The following TSHZ2 variants were observed in gnomAD, a reference collection of about 807,000 sequenced individuals.
TSHZ2 encodes the protein teashirt zinc finger homeobox 2.
In TSHZ2, 21 loss-of-function variants were observed where a neutral mutation model predicts 74.4. The observed-to-expected ratio is 0.28, with a 90% confidence interval of 0.20 to 0.41. The LOEUF (loss-of-function observed/expected upper bound fraction) is 0.41. Ranked by LOEUF, TSHZ2 falls within the 10% of genes least tolerant of loss-of-function variation. The probability of loss-of-function intolerance (pLI) is 1.00; values close to 1 mark genes in which losing one functional copy is unlikely to be tolerated. For missense variants in TSHZ2, 1,244 were observed against 1,293.5 expected (o/e 0.96, Z 0.59); for synonymous variants, 540 against 515.3 (o/e 1.05, Z -0.65).
intron 1 of TSHZ2, among the ~76,000 whole-genome samples, chr20:53,002,234 G>A (rs994464326): frequency 7.9e-5 from 12 of 152,146 alleles, no homozygotes; most frequent in East Asian, 1.9e-4. Context: ...CAGGTGACTC[G>A]GCCAAGCTTC....
At chr20:53,310,809 G>A (rs1365571809) in intron 2 of TSHZ2, among the ~76,000 whole-genome samples, 1 of 152,144 alleles carries the variant, frequency 6.6e-6, no homozygotes, top group Non-Finnish European at 1.5e-5. Context: ...ACCATCCAGT[G>A]CATTATAATT....
chr20:53,489,409 T>C lies in TSHZ2; in HGVS notation c.*2274T>C, dbSNP rs1464434297. On this transcript the variant is annotated 3_prime_UTR_variant, in exon 3 of 3. Coordinates refer to ENST00000371497, the MANE Select transcript of TSHZ2 (RefSeq NM_173485.6). Reference sequence around the variant, plus strand: ...ACAAGGAAATTCTATTAAAGGAAAATCAATGCATTAGTATTGGGGTTCTCG... The same window carrying C: ...ACAAGGAAATTCTATTAAAGGAAAACCAATGCATTAGTATTGGGGTTCTCG... 2.9e-6 allele frequency: 1 copy of C among 344,482 alleles called. No homozygotes were observed. Among genetic ancestry groups the C allele is most frequent in the Admixed American group, 3.9e-5 (1 of 25,604 alleles). 21.3% of individuals were successfully genotyped at this position (344,482 alleles called of 1,614,324 possible).
intron 1 of TSHZ2, among the ~76,000 whole-genome samples, chr20:53,044,860 C>G (rs771734887): frequency 6.6e-6 from 1 of 152,232 alleles, no homozygotes; most frequent in East Asian, 1.9e-4. Context: ...CAGGTGCACA[C>G]CACCATGCCC....
chr20:53,363,823 C>T (rs1012129375), intron 2 of TSHZ2, among the ~76,000 whole-genome samples: 1 of 152,126 alleles, frequency 6.6e-6, no homozygotes, highest in Non-Finnish European at 1.5e-5. Flanking sequence ...ACAACAACAT[C>T]AACAACAAAA....
chr20:53,386,956 A>C (rs2145650342), intron 2 of TSHZ2, among the ~76,000 whole-genome samples: 1 of 152,084 alleles, frequency 6.6e-6, no homozygotes, highest in Middle Eastern at 3.4e-3. Flanking sequence ...AAGGGATATA[A>C]ATTCTTTTTC....
At chr20:53,104,969 G>A (rs1232550440) in intron 1 of TSHZ2, among the ~76,000 whole-genome samples, 1 of 152,164 alleles carries the variant, frequency 6.6e-6, no homozygotes, top group Non-Finnish European at 1.5e-5. Flanking sequence ...TCCAGATAAG[G>A]CTTCCTATTA....
chr20:53,383,058 C>G (rs940689889), intron 2 of TSHZ2, among the ~76,000 whole-genome samples: 1 of 152,012 alleles, frequency 6.6e-6, no homozygotes, highest in Non-Finnish European at 1.5e-5. Flanking sequence ...GTTCGGAGGT[C>G]GAGACCAGCC....
intron 1 of TSHZ2, among the ~76,000 whole-genome samples, chr20:53,224,349 G>C (rs951432113): frequency 6.6e-6 from 1 of 152,178 alleles, no homozygotes; most frequent in Non-Finnish European, 1.5e-5. Flanking sequence ...TTGTGATTAG[G>C]AAAACAAGTT....
chr20:53,431,538 A>G (rs1319352410), intron 2 of TSHZ2, among the ~76,000 whole-genome samples: 1 of 152,042 alleles, frequency 6.6e-6, no homozygotes, highest in Admixed American at 6.6e-5. Flanking sequence ...AACAATCCCT[A>G]CTACATATTG....
intron 1 of TSHZ2, among the ~76,000 whole-genome samples, chr20:53,048,889 ACT>A (rs1003783937): frequency 1.3e-5 from 2 of 152,048 alleles, no homozygotes; most frequent in African/African-American, 2.4e-5. Context: ...ATAACAACAA[ACT>A]CTGCACATTT....
At chr20:53,112,020 C>A (rs1379157128) in intron 1 of TSHZ2, among the ~76,000 whole-genome samples, 1 of 152,186 alleles carries the variant, frequency 6.6e-6, no homozygotes, top group Non-Finnish European at 1.5e-5. Flanking sequence ...ACACCCATGT[C>A]CCGGCCTCAT....
chr20:53,370,406 A>G (rs1442436744), intron 2 of TSHZ2, among the ~76,000 whole-genome samples: 3 of 152,196 alleles, frequency 2.0e-5, no homozygotes, highest in Non-Finnish European at 4.4e-5. Context: ...AAAAAGAAAC[A>G]GAAATCATGG....
chr20:52,985,686 C>T (rs115933500), intron 1 of TSHZ2, among the ~76,000 whole-genome samples: 5 of 152,046 alleles, frequency 3.3e-5, no homozygotes, highest in African/African-American at 9.7e-5. Context: ...GGCACATAGA[C>T]GATGCTCAAT....
chr20:53,176,119 AACTGCTGGAGTT>A (rs1221109160), intron 1 of TSHZ2, among the ~76,000 whole-genome samples: 1 of 152,186 alleles, frequency 6.6e-6, no homozygotes, highest in East Asian at 1.9e-4. Flanking sequence ...ACAGGTGCTG[AACTGCTGGAGTT>A]ACTGCTCCTT....
In TSHZ2 at chr20:53,274,596, G is replaced by A. The variant is rs1454478903; in HGVS notation, c.*8+18025G>A. ...AGAGAGTTCTGTTGATCAGGGGAAA[G>A]CTGAGGTAGATGTCAGATGACAGTA... is the stretch of plus-strand genomic sequence containing the variant. On this transcript the variant is annotated intron_variant, in intron 2 of 2. Coordinates refer to ENST00000371497, the MANE Select transcript of TSHZ2 (RefSeq NM_173485.6). Among the ~76,000 whole-genome samples, 3 of 152,238 alleles carry A rather than the reference G, an allele frequency of 2.0e-5. 1 individual carries two copies. Among genetic ancestry groups the A allele is most frequent in the Admixed American group, 1.3e-4 (2 of 15,286 alleles).
chr20:53,323,118 C>G (rs900475955), intron 2 of TSHZ2, among the ~76,000 whole-genome samples: 4 of 152,156 alleles, frequency 2.6e-5, no homozygotes, highest in African/African-American at 4.8e-5. Context: ...ATGGAAAAAG[C>G]ATGTTGGCCT....
At chr20:53,091,935 A>G (rs975949393) in intron 1 of TSHZ2, among the ~76,000 whole-genome samples, 1 of 152,192 alleles carries the variant, frequency 6.6e-6, no homozygotes, top group African/African-American at 2.4e-5. Context: ...TGTACCAGCT[A>G]CTAGAGAGGC....
intron 1 of TSHZ2, among the ~76,000 whole-genome samples, chr20:53,027,126 G>T (rs1374306890): frequency 6.6e-6 from 1 of 151,718 alleles, no homozygotes; most frequent in African/African-American, 2.4e-5. Context: ...AAAAAAAATT[G>T]CAGCTGAATA....
At chr20:53,163,130 A>G (rs559023912) in intron 1 of TSHZ2, among the ~76,000 whole-genome samples, 8 of 152,236 alleles carry the variant, frequency 5.3e-5, no homozygotes, top group African/African-American at 1.9e-4. Flanking sequence ...GTTTCAAATG[A>G]TGTGACTATA....
Sources: allele counts gnomAD v4.1 joint callset (sites outside exome capture counted in the v4.1 genomes callset), GRCh38; gene constraint gnomAD v4.1.1; transcripts MANE v1.5; gene names NCBI Gene and HGNC (gene_info 2026-07-23, HGNC 2026-07-21).